The following TSHZ3 variants were observed in gnomAD, a reference collection of about 807,000 sequenced individuals.
TSHZ3 encodes teashirt homolog 3.
TSHZ3 carries 10 observed loss-of-function variants against 64.5 expected under a neutral mutation model. That is an observed-to-expected ratio of 0.16 (90% CI 0.10 to 0.26). The LOEUF is 0.26. Ranked by LOEUF, TSHZ3 falls within the 10% of genes least tolerant of loss-of-function variation. The probability of loss-of-function intolerance (pLI) is 1.00; values close to 1 mark genes in which losing one functional copy is unlikely to be tolerated. For synonymous variants in TSHZ3, 608 were observed against 593.1 expected, an observed-to-expected ratio of 1.03 and a Z score of -0.36; for missense variants, 1,242 against 1,421.7, an observed-to-expected ratio of 0.87 and a Z score of 2.03.
At position 31,210,361 on chromosome 19, in the gene TSHZ3, G is replaced by A. The variant is rs186022641; in HGVS notation, n.687-5283C>T. On this transcript the variant is annotated intron_variant and non_coding_transcript_variant, in intron 4 of 6. Coordinates refer to the TSHZ3 transcript ENST00000651361. ...AAGTTTCCTCTCTTCCCCACTTCTC[G>A]CCTCTGAATCACTCAGAGATCAGGG... 9.3e-4 allele frequency among the ~76,000 whole-genome samples: 142 copies of A among 152,128 alleles called. 1 individual carries two copies. Among genetic ancestry groups the A allele is most frequent in the African/African-American group, 3.1e-3 (128 of 41,536 alleles).
At chr19:31,197,105 TTGTC>T (rs2145145503) in intron 5 of TSHZ3, among the ~76,000 whole-genome samples, 1 of 152,030 alleles carries the variant, frequency 6.6e-6, no homozygotes, top group Non-Finnish European at 1.5e-5. Context: ...AAATCACACA[TTGTC>T]TGCTCTCAGA....
At chr19:31,225,477 G>T (rs886106778) in intron 4 of TSHZ3, among the ~76,000 whole-genome samples, 9 of 152,100 alleles carry the variant, frequency 5.9e-5, no homozygotes, top group African/African-American at 2.2e-4. Flanking sequence ...CATGTTCAAC[G>T]CATCTTATGG....
chr19:31,271,437 C>T (rs542119997), downstream of TSHZ3, among the ~76,000 whole-genome samples: 17 of 152,292 alleles, frequency 1.1e-4, no homozygotes, highest in South Asian at 4.1e-4. Flanking sequence ...CAGTGACACC[C>T]GGAATCCAGC....
intron 5 of TSHZ3, among the ~76,000 whole-genome samples, chr19:31,188,577 G>GT (rs1474525810): frequency 8.6e-5 from 13 of 151,768 alleles, no homozygotes; most frequent in Non-Finnish European, 1.6e-4. Context: ...TCATCATATG[G>GT]TTTTTTCCTT....
intron 1 of TSHZ3, among the ~76,000 whole-genome samples, chr19:31,296,645 T>C (rs3921716): frequency 6.6e-6 from 1 of 152,006 alleles, no homozygotes; most frequent in Non-Finnish European, 1.5e-5. Flanking sequence ...TAGTACTGTG[T>C]CATTTTGAAA....
intron 1 of TSHZ3, among the ~76,000 whole-genome samples, chr19:31,292,948 C>A: frequency 6.7e-6 from 1 of 149,888 alleles, no homozygotes; most frequent in South Asian, 2.1e-4. Context: ...CAACCAAAAA[C>A]CCATCCATCC....
chr19:31,294,163 T>C (rs1444470065), intron 1 of TSHZ3, among the ~76,000 whole-genome samples: 1 of 152,162 alleles, frequency 6.6e-6, no homozygotes, highest in African/African-American at 2.4e-5. Flanking sequence ...ACTGAGCACC[T>C]GCATGGTAGC....
chr19:31,223,031 G>C (rs1975410957), intron 4 of TSHZ3, among the ~76,000 whole-genome samples: 1 of 152,168 alleles, frequency 6.6e-6, no homozygotes, highest in Non-Finnish European at 1.5e-5. Context: ...ATGACCATGA[G>C]GCTCAGGAGG....
chr19:31,154,258 A>G (rs1718195697), intron 6 of TSHZ3, among the ~76,000 whole-genome samples: 1 of 152,176 alleles, frequency 6.6e-6, no homozygotes, highest in Non-Finnish European at 1.5e-5. Context: ...GTTGTGTACC[A>G]CTGACATGGT....
At chr19:31,243,653 C>A (rs1424248325) in intron 1 of TSHZ3, among the ~76,000 whole-genome samples, 1 of 152,150 alleles carries the variant, frequency 6.6e-6, no homozygotes, top group Admixed American at 6.5e-5. Flanking sequence ...CCCACCGACA[C>A]AGGATACCAT....
At chr19:31,316,476 T>C (rs557452525) in intron 1 of TSHZ3, among the ~76,000 whole-genome samples, 3 of 152,188 alleles carry the variant, frequency 2.0e-5, no homozygotes, top group Non-Finnish European at 2.9e-5. Context: ...CACAACAGGA[T>C]GCCACTTTAA....
intron 1 of TSHZ3, among the ~76,000 whole-genome samples, chr19:31,315,057 T>C (rs1397432658): frequency 6.6e-6 from 1 of 152,148 alleles, no homozygotes. Context: ...GACACTTCTG[T>C]CCTGGGCACA....
chr19:31,158,661 A>G (rs115284358), intron 5 of TSHZ3, among the ~76,000 whole-genome samples: 3,106 of 152,308 alleles, frequency 0.02, 98 homozygotes, highest in African/African-American at 0.07. Flanking sequence ...TTGTAATCAT[A>G]TAATGAAATA....
rs199657459 is a variant in TSHZ3, at chr19:31,214,569, T to C, written n.687-9491A>G. On this transcript the variant is annotated intron_variant and non_coding_transcript_variant, in intron 4 of 6. Coordinates refer to the TSHZ3 transcript ENST00000651361. ...CTAAGTTGACTGAGACTTATCACTTTCACATCCCAGGATTAAGTGTGGGGG... is the reference window on the plus strand; with the variant it reads ...CTAAGTTGACTGAGACTTATCACTTCCACATCCCAGGATTAAGTGTGGGGG... Among the ~76,000 whole-genome samples the C allele has an allele frequency of 3.3e-5, 5 of 152,326 alleles. No individual in the cohort carries two copies. In the East Asian group the frequency reaches 9.7e-4, roughly 29 times the overall value.
chr19:31,318,659 A>T (rs189879668), intron 1 of TSHZ3, among the ~76,000 whole-genome samples: 1 of 152,344 alleles, frequency 6.6e-6, no homozygotes, highest in African/African-American at 2.4e-5. Context: ...AACAAAAAAA[A>T]CCACTTTCTA....
chr19:31,172,399 T>C (rs1354327292), intron 5 of TSHZ3, among the ~76,000 whole-genome samples: 1 of 152,314 alleles, frequency 6.6e-6, no homozygotes, highest in Non-Finnish European at 1.5e-5. Context: ...TCAATAGTCA[T>C]GGTGGTGGCA....
At chr19:31,158,210 G>T (rs531981239) in intron 5 of TSHZ3, among the ~76,000 whole-genome samples, 1 of 152,240 alleles carries the variant, frequency 6.6e-6, no homozygotes, top group African/African-American at 2.4e-5. Flanking sequence ...TCGACATGTG[G>T]CTGGGACGAA....
chr19:31,250,225 A>G (rs189474757), intron 1 of TSHZ3, among the ~76,000 whole-genome samples: 11 of 152,358 alleles, frequency 7.2e-5, no homozygotes, highest in Non-Finnish European at 7.3e-5. Flanking sequence ...CTGCAAGCAG[A>G]CATTGTTACC....
At chr19:31,326,633 A>C (rs935354386) in intron 1 of TSHZ3, among the ~76,000 whole-genome samples, 1 of 152,256 alleles carries the variant, frequency 6.6e-6, no homozygotes, top group Non-Finnish European at 1.5e-5. Flanking sequence ...CATGGGGCTG[A>C]AACCTCGGAG....
Sources: allele counts gnomAD v4.1 joint callset (sites outside exome capture counted in the v4.1 genomes callset), GRCh38; gene constraint gnomAD v4.1.1; transcripts MANE v1.5; gene names NCBI Gene and HGNC (gene_info 2026-07-23, HGNC 2026-07-21).